Variants in ID4 observed in about 807,000 individuals in gnomAD.
ID4 encodes DNA-binding protein inhibitor ID-4.
A neutral mutation model predicts 8.6 loss-of-function variants in ID4; 9 were observed. That is an observed-to-expected ratio of 1.04 (90% CI 0.63 to 1.82). The LOEUF (loss-of-function observed/expected upper bound fraction) is 1.82, where lower values mean the gene tolerates loss of function less well. ID4 is among the 40% of genes most tolerant of loss of function. The probability of loss-of-function intolerance (pLI) is 0.00; values close to 1 mark genes in which losing one functional copy is unlikely to be tolerated. For synonymous variants in ID4, 180 were observed against 118.0 expected (o/e 1.53, Z -3.41); for missense variants, 270 against 235.1 (o/e 1.15, Z -0.97).
At chr6:19,838,836 G>C (rs1761291846) in intron 2 of ID4, 194 bp downstream of exon 2, 2 of 589,364 alleles carry the variant, frequency 3.4e-6, no homozygotes, top group Non-Finnish European at 6.0e-6. Context: ...TCGAGGTTCA[G>C]TCTCGGTGGA....
chr6:19,838,872 T>C, intron 2 of ID4: 1 of 548,672 alleles, frequency 1.8e-6, no homozygotes, highest in Non-Finnish European at 3.2e-6. Context: ...GTCCCCGCCG[T>C]CCCCGTGTTT....
At position 19,838,644 on chromosome 6, in the gene ID4, T is replaced by A. The variant is rs1761285033; in HGVS notation, c.*14+2T>A. 6.2e-7 allele frequency: 1 copy of A among 1,613,158 alleles called. No individual in the cohort carries two copies. Among genetic ancestry groups the A allele is most frequent in the African/African-American group, 1.3e-5 (1 of 74,908 alleles). ...GTGCCGCTGAGCCGCGCTGTCCAGG[T>A]GAGCGCGCATTTCCCGTCTCGGGTG... is the stretch of plus-strand genomic sequence containing the variant. On this transcript the variant is annotated splice_donor_variant, in intron 2 of 2. Transcript: ENST00000378700. LOFTEE classifies it low-confidence loss of function (3UTR_SPLICE).
Position 19,841,510 on chromosome 6 carries a change from G to A in ID4, c.*2315G>A, listed in dbSNP as rs1321916512. ...TTGGCGCAGTTTAAAACTTATACTG[G>A]TGGACTGTGAACCTCAAAACAAATG... On this transcript the variant is annotated 3_prime_UTR_variant, in exon 3 of 3. Transcript: ENST00000378700. Among the ~76,000 whole-genome samples, 1 of 148,706 alleles carries A rather than the reference G, an allele frequency of 6.7e-6. No individual in the cohort carries two copies. The highest frequency in any genetic ancestry group is 6.7e-5 in the Admixed American group (1 of 14,884).
At chr6:19,838,802 T>A in intron 2 of ID4, 160 bp downstream of exon 2, 1 of 625,986 alleles carries the variant, frequency 1.6e-6, no homozygotes, top group Non-Finnish European at 2.8e-6. Flanking sequence ...AAGTAGCAAG[T>A]AAACCCGTAC....
At chr6:19,838,806 C>T (rs915325241) in intron 2 of ID4, 164 bp downstream of exon 2, 8 of 620,174 alleles carry the variant, frequency 1.3e-5, no homozygotes, top group East Asian at 5.6e-5. Context: ...AGCAAGTAAA[C>T]CCGTACTTAG....
At position 19,840,911 on chromosome 6, in the gene ID4, T is replaced by A. The variant is rs879843781; in HGVS notation, c.*1716T>A. 6.6e-6 allele frequency among the ~76,000 whole-genome samples: 1 copy of A among 152,180 alleles called. No homozygotes were observed. Among genetic ancestry groups the A allele is most frequent in the Admixed American group, 6.5e-5 (1 of 15,272 alleles). On this transcript the variant is annotated 3_prime_UTR_variant, in exon 3 of 3. Transcript: ENST00000378700. ...GGTGCTTTGTAAATAGTCAACTGTGTGTATAACGTGGTCTGTTTGATTTTT... is the reference window on the plus strand; with the variant it reads ...GGTGCTTTGTAAATAGTCAACTGTGAGTATAACGTGGTCTGTTTGATTTTT...
chr6:19,841,085 T>A lies in ID4; in HGVS notation c.*1890T>A, dbSNP rs564450201. 6.6e-6 allele frequency among the ~76,000 whole-genome samples: 1 copy of A among 152,284 alleles called. No individual in the cohort carries two copies. The highest frequency in any genetic ancestry group is 1.9e-4 in the East Asian group (1 of 5,188). ...TGAAGTGGCAATGTCTAAACAGAAA[T>A]GAACAAAACTAATGCTAGCAGGTTA... On this transcript the variant is annotated 3_prime_UTR_variant, in exon 3 of 3. Coordinates refer to ENST00000378700, the MANE Select transcript of ID4 (RefSeq NM_001546.4).
rs568556034 is a variant in ID4 at position 19,840,779 on chromosome 6, G to T, written c.*1584G>T. On this transcript the variant is annotated 3_prime_UTR_variant, in exon 3 of 3. Transcript: ENST00000378700. The stretch of plus-strand genomic sequence containing the variant: ...AAGGAAGGTAATATTTTCTAGGTTA[G>T]ATAGGACTATCAGGGTTTGTGAACA... 1 of 152,050 alleles carries T rather than the reference G, an allele frequency of 6.6e-6. No homozygotes were observed. The highest frequency in any genetic ancestry group is 1.5e-5 in the Non-Finnish European group (1 of 67,982). 9.4% of individuals were successfully genotyped at this position (152,050 alleles called of 1,614,324 possible). A position where few individuals can be genotyped will look rare whatever the true frequency, so the allele number is the denominator to read the frequency against.
At position 19,841,892 on chromosome 6, in the gene ID4, T is replaced by C. The variant is rs1179200764; in HGVS notation, c.*2697T>C. 6.6e-6 allele frequency among the ~76,000 whole-genome samples: 1 copy of C among 152,176 alleles called. No homozygotes were observed. Among genetic ancestry groups the C allele is most frequent in the Non-Finnish European group, 1.5e-5 (1 of 68,002 alleles). ...CTTCTCTCATTTCATTTGTAGACTT[T>C]TCATTGTATAGGCACAACCAAAGAG... On this transcript the variant is annotated 3_prime_UTR_variant, in exon 3 of 3. Transcript: ENST00000378700.
chr6:19,837,645 C>A lies in ID4; in HGVS notation c.-110C>A, dbSNP rs563772589. On this transcript the variant is annotated 5_prime_UTR_variant, in exon 1 of 3. Transcript: ENST00000378700. Reference sequence around the variant, plus strand: ...GAGTGTCGCGGTGCCCCGAGCGCGCCGGGCGCGGAGGCAAAGGGAGCGGAG... The same window carrying A: ...GAGTGTCGCGGTGCCCCGAGCGCGCAGGGCGCGGAGGCAAAGGGAGCGGAG... The A allele has an allele frequency of 1.2e-3, 910 of 737,264 alleles. 7 individuals are homozygous for A. In the African/African-American group the frequency reaches 0.016, roughly 13 times the overall value. 45.7% of individuals were successfully genotyped at this position (737,264 alleles called of 1,614,324 possible).
intron 1 of ID4, 63 bp from the exon 2 acceptor site, chr6:19,838,521 A>AC: frequency 1.9e-6 from 3 of 1,604,988 alleles, no homozygotes; most frequent in Non-Finnish European, 2.6e-6. Flanking sequence ...ACAATCCAGG[A>AC]CCGTGTCGAG....
rs1761240812 is a variant in ID4, at chr6:19,837,489, A to C, written c.-266A>C. On this transcript the variant is annotated 5_prime_UTR_variant, in exon 1 of 3. Coordinates refer to ENST00000378700, the MANE Select transcript of ID4 (RefSeq NM_001546.4). ...GAGCTCCGAAGGGAGTGACTAGGAC[A>C]CCCGGGTGGGCTACTTTTCTTCCGG... 1 of 166,714 alleles carries C rather than the reference A, an allele frequency of 6.0e-6. No homozygotes were observed. The highest frequency in any genetic ancestry group is 1.7e-4 in the East Asian group (1 of 6,006). The allele number at this position is 166,714 out of a possible 1,614,324, so 10.3% of individuals were successfully genotyped here. A position where few individuals can be genotyped will look rare whatever the true frequency, so the allele number is the denominator to read the frequency against.
chr6:19,838,002 C>T lies in ID4; in HGVS notation c.248C>T (p.Pro83Leu), dbSNP rs756841970. 6.2e-7 allele frequency: 1 copy of T among 1,602,242 alleles called. No individual in the cohort carries two copies. Among genetic ancestry groups the T allele is most frequent in the Non-Finnish European group, 8.5e-7 (1 of 1,174,374 alleles). Residue 83 changes from proline (P) to leucine (L), a missense_variant, in exon 1 of 3, where the codon CCG (proline) becomes CTG (leucine). By Grantham distance (98) the Pro-to-Leu change is moderately conservative. This residue lies in a region of ID4 where 160 missense variants were observed against 131.5 expected (regional missense o/e 1.22). Coordinates refer to ENST00000378700, the MANE Select transcript of ID4 (RefSeq NM_001546.4). ...CTGCGGAGGCTGGTGCCCACCATCC[C>T]GCCCAACAAGAAAGTCAGCAAAGTG... The part of the protein sequence containing the change: ...SRLRRLVPTI[P>L]PNKKVSKVEI...
intron 1 of ID4, 123 bp from the exon 2 acceptor site, chr6:19,838,461 C>A (rs1048376307): frequency 4.4e-6 from 6 of 1,353,814 alleles, no homozygotes; most frequent in Middle Eastern, 1.8e-4. Flanking sequence ...GGGGCCCCCC[C>A]GGCTACAGGC....
chr6:19,838,696 G>T, intron 2 of ID4, 54 bp downstream of exon 2: 1 of 1,527,408 alleles, frequency 6.5e-7, no homozygotes, highest in Non-Finnish European at 9.0e-7. Context: ...GCCCGTCCCC[G>T]AGGGCTTCCG....
At position 19,840,796 on chromosome 6, in the gene ID4, T is replaced by A. The variant is rs1414583327; in HGVS notation, c.*1601T>A. ...CTAGGTTAGATAGGACTATCAGGGT[T>A]TGTGAACATTATGCATTTAATGTTA... On this transcript the variant is annotated 3_prime_UTR_variant, in exon 3 of 3. Transcript: ENST00000378700. 2 of 152,184 alleles carry A rather than the reference T, an allele frequency of 1.3e-5. No homozygotes were observed. Among genetic ancestry groups the A allele is most frequent in the Admixed American group, 6.5e-5 (1 of 15,276 alleles). The allele number at this position is 152,184 out of a possible 1,614,324, so 9.4% of individuals were successfully genotyped here. A position where few individuals can be genotyped will look rare whatever the true frequency, so the allele number is the denominator to read the frequency against.
In ID4 at chr6:19,838,138, C is replaced by A; in HGVS notation, c.384C>A (p.Ala128=). 1 of 1,563,820 alleles carries A rather than the reference C, an allele frequency of 6.4e-7. No individual in the cohort carries two copies. The highest frequency in any genetic ancestry group is 1.2e-5 in the South Asian group (1 of 85,448). Reference sequence around the variant, plus strand: ...CGCCCGCGCCGCCACACCACCCGGCCGGGACCTGTCCAGCCGCGCCGCCGC... The same window carrying A: ...CGCCCGCGCCGCCACACCACCCGGCAGGGACCTGTCCAGCCGCGCCGCCGC... ...PPPPAPPHHP[A]GTCPAAPPRT... The change falls in exon 1 of 3, where the codon GCC becomes GCA. Residue 128 remains alanine, a synonymous_variant. Coordinates refer to ENST00000378700, the MANE Select transcript of ID4 (RefSeq NM_001546.4).
intron 2 of ID4, 133 bp downstream of exon 2, chr6:19,838,775 C>G (rs530467152): frequency 1.1e-5 from 8 of 703,860 alleles, no homozygotes; most frequent in African/African-American, 8.9e-5. Flanking sequence ...AGTAAATCCC[C>G]TCTCTCCCTG....
Position 19,840,836 on chromosome 6 carries a change from A to G in ID4, c.*1641A>G, listed in dbSNP as rs1761347099. On this transcript the variant is annotated 3_prime_UTR_variant, in exon 3 of 3. Transcript: ENST00000378700. ...ATTTAATGTTATGGGTACTTTACAC[A>G]CAAGTTAGATGGAATTTTTAGAGTG... Among the ~76,000 whole-genome samples, 1 of 152,182 alleles carries G rather than the reference A, an allele frequency of 6.6e-6. No homozygotes were observed. The highest frequency in any genetic ancestry group is 2.4e-5 in the African/African-American group (1 of 41,450).
Sources: gnomAD v4.1 joint callset for allele counts (sites outside exome capture counted in the v4.1 genomes callset) on GRCh38, gnomAD v4.1.1 for gene constraint, gnomAD v4.1.1 regional missense constraint, MANE v1.5 for transcripts, NCBI Gene and HGNC (gene_info 2026-07-23, HGNC 2026-07-21) for gene names.